Variants in DYSF observed in about 807,000 individuals in gnomAD.
DYSF encodes dystrophy-associated fer-1-like 1.
A neutral mutation model predicts 274.9 loss-of-function variants in DYSF; 212 were observed. The ratio of observed to expected loss-of-function variants is 0.77; its 90% confidence interval spans 0.69 to 0.86. The LOEUF is 0.86. DYSF is among the 40% of genes least tolerant of loss of function. The pLI, the probability that DYSF is intolerant of heterozygous loss-of-function variation, is 0.00. For missense variants in DYSF, 2,666 were observed against 2,783.2 expected, an observed-to-expected ratio of 0.96 and a Z score of 0.95; for synonymous variants, 1,091 against 1,078.7, an observed-to-expected ratio of 1.01 and a Z score of -0.22.
intron 17 of DYSF, among the ~76,000 whole-genome samples, chr2:71,548,631 C>A (rs373083646): frequency 6.6e-6 from 1 of 152,294 alleles, no homozygotes; most frequent in South Asian, 2.1e-4. Flanking sequence ...CATTTCCTTC[C>A]GTGCTTTTCT....
chr2:71,612,249 G>A (rs999582799), intron 38 of DYSF, among the ~76,000 whole-genome samples: 4 of 152,338 alleles, frequency 2.6e-5, no homozygotes, highest in South Asian at 2.1e-4. Context: ...TGCTTTTGGG[G>A]TGTGTGGGGG....
chr2:71,470,957 AATTTTT>A (rs1364218772), intron 1 of DYSF, among the ~76,000 whole-genome samples: 1 of 151,540 alleles, frequency 6.6e-6, no homozygotes, highest in Non-Finnish European at 1.5e-5. Flanking sequence ...ATGCCTGGCT[AATTTTT>A]ATTTTTATTT....
upstream of DYSF, among the ~76,000 whole-genome samples, chr2:71,463,973 G>A (rs563870764): frequency 6.6e-6 from 1 of 152,284 alleles, no homozygotes; most frequent in Non-Finnish European, 1.5e-5. Context: ...GGTAGAGCTG[G>A]GAGGAAGCAG....
intron 40 of DYSF, among the ~76,000 whole-genome samples, chr2:71,619,027 C>G (rs1464127887): frequency 6.6e-6 from 1 of 151,990 alleles, no homozygotes; most frequent in East Asian, 1.9e-4. Flanking sequence ...GCAAATTATG[C>G]CCGAGTCCCA....
chr2:71,620,625 T>TTATATATA lies in DYSF; in HGVS notation c.4527+19_4527+20insATATATAT. 1 of 1,551,288 alleles carries TTATATATA rather than the reference T, an allele frequency of 6.4e-7. No homozygotes were observed. ...CAGTCCTCATGTATGTACTGTTTAC[T>TTATATATA]TATTTGTGGGCTCCTTGTATTCCCT... On this transcript the variant is annotated intron_variant, in intron 41 of 55. Transcript: ENST00000410020.
Position 71,480,865 on chromosome 2 carries a change from C to G in DYSF, c.92-18C>G, listed in dbSNP as rs1421990252. On this transcript the variant is annotated intron_variant, in intron 1 of 55. Coordinates refer to ENST00000410020, the MANE Select transcript of DYSF (RefSeq NM_001130987.2). ...GGCGGGATGTGTCTCTCCATTCTCC[C>G]TTTTGTGTCTCTTGTAGGGGTGAAG... is the stretch of plus-strand genomic sequence containing the variant. 4 of 1,612,802 alleles carry G rather than the reference C, an allele frequency of 2.5e-6. No homozygotes were observed. The highest frequency in any genetic ancestry group is 3.4e-6 in the Non-Finnish European group (4 of 1,178,770).
intron 3 of DYSF, among the ~76,000 whole-genome samples, chr2:71,487,957 G>A (rs1254420496): frequency 6.6e-6 from 1 of 152,170 alleles, no homozygotes; most frequent in African/African-American, 2.4e-5. Flanking sequence ...AACTGCACAT[G>A]GTAAAATTGT....
chr2:71,585,360 G>T (rs1405433661), intron 30 of DYSF, among the ~76,000 whole-genome samples: 2 of 152,220 alleles, frequency 1.3e-5, no homozygotes, highest in Non-Finnish European at 2.9e-5. Context: ...GGTGCCACTG[G>T]CCCCGTGAGC....
intron 1 of DYSF, among the ~76,000 whole-genome samples, chr2:71,458,053 G>C (rs1174055842): frequency 6.6e-6 from 1 of 152,166 alleles, no homozygotes; most frequent in Non-Finnish European, 1.5e-5. Flanking sequence ...TTGAACTCGG[G>C]ATCCCAGGTC....
chr2:71,613,016 C>T (rs144827675), intron 39 of DYSF, among the ~76,000 whole-genome samples: 283 of 152,096 alleles, frequency 1.9e-3, no homozygotes, highest in African/African-American at 2.5e-3. Flanking sequence ...GACTGATACC[C>T]GTTGGAGCTG....
intron 41 of DYSF, among the ~76,000 whole-genome samples, chr2:71,632,110 G>A (rs1052746929): frequency 6.6e-6 from 1 of 152,174 alleles, no homozygotes; most frequent in Non-Finnish European, 1.5e-5. Context: ...ATAGGCAACT[G>A]TCTCTGAGGT....
intron 10 of DYSF, among the ~76,000 whole-genome samples, chr2:71,518,255 AT>A (rs71402988): frequency 0.061 from 8,406 of 138,762 alleles, 216 homozygotes; most frequent in Middle Eastern, 0.085. Context: ...GACCTGTATG[AT>A]TTTTTTTTTT....
At chr2:71,643,527 T>G (rs2094519731) in intron 41 of DYSF, among the ~76,000 whole-genome samples, 1 of 152,152 alleles carries the variant, frequency 6.6e-6, no homozygotes, top group African/African-American at 2.4e-5. Context: ...GGGTCTGAAT[T>G]TTCCTGGATC....
chr2:71,545,468 GTTCCGGGATGTGGCCCC>G (rs2090392057), intron 17 of DYSF, among the ~76,000 whole-genome samples: 1 of 152,138 alleles, frequency 6.6e-6, no homozygotes, highest in Non-Finnish European at 1.5e-5. Flanking sequence ...GGAACAATCT[GTTCCGGGATGTGGCCCC>G]TTCACTAATT....
chr2:71,558,267 A>G (rs560843008), intron 22 of DYSF, among the ~76,000 whole-genome samples: 3 of 152,202 alleles, frequency 2.0e-5, no homozygotes, highest in Non-Finnish European at 4.4e-5. Context: ...TGAGAGGGTC[A>G]GCAGGAGGAG....
intron 41 of DYSF, among the ~76,000 whole-genome samples, chr2:71,637,070 C>T (rs944900233): frequency 2.0e-5 from 3 of 152,092 alleles, no homozygotes; most frequent in Non-Finnish European, 2.9e-5. Context: ...TAAGTGTGGA[C>T]AACTCTTTCT....
intron 40 of DYSF, among the ~76,000 whole-genome samples, chr2:71,618,319 T>G (rs1574393890): frequency 2.0e-5 from 1 of 49,894 alleles, no homozygotes; most frequent in Non-Finnish European, 3.6e-5. Flanking sequence ...TGTGTGTGTG[T>G]GGTAGAGATG....
At chr2:71,600,082 C>T (rs1007019009) in intron 33 of DYSF, among the ~76,000 whole-genome samples, 2 of 151,982 alleles carry the variant, frequency 1.3e-5, no homozygotes, top group Non-Finnish European at 2.9e-5. Context: ...CAGAACAGGG[C>T]GGGAGGGCAG....
intron 3 of DYSF, among the ~76,000 whole-genome samples, chr2:71,492,814 G>A (rs1484037558): frequency 6.8e-6 from 1 of 147,702 alleles, no homozygotes; most frequent in Non-Finnish European, 1.5e-5. Flanking sequence ...ATATTTCAGT[G>A]TATATTTCTT....
Sources: gnomAD v4.1 joint callset for allele counts (sites outside exome capture counted in the v4.1 genomes callset) on GRCh38, gnomAD v4.1.1 for gene constraint, MANE v1.5 for transcripts, NCBI Gene and HGNC (gene_info 2026-07-23, HGNC 2026-07-21) for gene names.